The following ING5 variants were observed in gnomAD, a reference collection of about 807,000 sequenced individuals.
The protein encoded by ING5 is inhibitor of growth family member 5.
A neutral mutation model predicts 37.4 loss-of-function variants in ING5; 17 were observed. That is an observed-to-expected ratio of 0.45 (90% CI 0.31 to 0.68). ING5 has a LOEUF of 0.68. Ranked by LOEUF, ING5 falls within the 30% of genes least tolerant of loss-of-function variation. The pLI, the probability that ING5 is intolerant of heterozygous loss-of-function variation, is 0.05. For synonymous variants in ING5, 123 were observed against 116.6 expected (o/e 1.06, Z -0.36); for missense variants, 233 against 311.9 (o/e 0.75, Z 1.91).
intron 2 of ING5, chr2:241,694,439 T>G (rs1449215236): frequency 1.3e-5 from 2 of 149,006 alleles, no homozygotes; most frequent in Non-Finnish European, 3.0e-5. Context: ...CGAGACTCCA[T>G]CTCAAAAAAA....
chr2:241,718,615 G>A (rs750540948), intron 5 of ING5, among the ~76,000 whole-genome samples: 21 of 151,294 alleles, frequency 1.4e-4, no homozygotes, highest in Non-Finnish European at 2.7e-4. Context: ...GGGTTTCACC[G>A]TGTTATGCAG....
chr2:241,717,599 C>T (rs1240599823), intron 5 of ING5, among the ~76,000 whole-genome samples: 1 of 151,750 alleles, frequency 6.6e-6, no homozygotes, highest in Non-Finnish European at 1.5e-5. Flanking sequence ...TTTAGGTTGA[C>T]CTTTTTTCTT....
chr2:241,721,907 G>A (rs1471089024), intron 5 of ING5: 3 of 985,572 alleles, frequency 3.0e-6, no homozygotes, highest in Admixed American at 6.1e-5. Context: ...AGGCATAGAC[G>A]GGGTGGAACA....
intron 5 of ING5, among the ~76,000 whole-genome samples, chr2:241,717,410 AT>A (rs964002124): frequency 2.0e-5 from 3 of 151,848 alleles, no homozygotes; most frequent in Admixed American, 6.6e-5. Context: ...TTCTTTAAAA[AT>A]TTTTTTTCCA....
At chr2:241,704,103 G>A (rs1411133888) in intron 1 of ING5, among the ~76,000 whole-genome samples, 1 of 152,166 alleles carries the variant, frequency 6.6e-6, no homozygotes, top group Non-Finnish European at 1.5e-5. Context: ...TGCCTGTGCT[G>A]TTGGTTTCCA....
chr2:241,695,578 C>G (rs1272881873), intron 2 of ING5, among the ~76,000 whole-genome samples: 1 of 151,934 alleles, frequency 6.6e-6, no homozygotes, highest in Non-Finnish European at 1.5e-5. Flanking sequence ...CCCACCTACT[C>G]AGGAGGCTGA....
intron 5 of ING5, among the ~76,000 whole-genome samples, chr2:241,713,193 A>G (rs2070168944): frequency 6.6e-6 from 1 of 151,146 alleles, no homozygotes; most frequent in Admixed American, 6.6e-5. Flanking sequence ...GATAGCTGCA[A>G]CTACAAGTGC....
chr2:241,705,639 C>T (rs1039345790), intron 2 of ING5, among the ~76,000 whole-genome samples: 1 of 152,078 alleles, frequency 6.6e-6, no homozygotes, highest in Non-Finnish European at 1.5e-5. Flanking sequence ...ATCTACTGAC[C>T]TCATGATCCG....
chr2:241,693,202 C>G (rs2069581168), intron 2 of ING5, among the ~76,000 whole-genome samples: 1 of 143,426 alleles, frequency 7.0e-6, no homozygotes, highest in Non-Finnish European at 1.5e-5. Flanking sequence ...GAGGTTGCAG[C>G]TGAGATCGCC....
rs146989648 is a variant in ING5 at position 241,728,348 on chromosome 2, G to A, written c.*3317G>A. The A allele has an allele frequency of 4.3e-3, 652 of 152,906 alleles. 1 individual carries two copies. Among genetic ancestry groups the A allele is most frequent in the African/African-American group, 0.011 (470 of 41,584 alleles). The allele number at this position is 152,906 out of a possible 1,614,324, so 9.5% of individuals were successfully genotyped here. A position where few individuals can be genotyped will look rare whatever the true frequency, so the allele number is the denominator to read the frequency against. On this transcript the variant is annotated 3_prime_UTR_variant, in exon 8 of 8. Coordinates refer to ENST00000313552, the MANE Select transcript of ING5 (RefSeq NM_032329.6). ...ACCAGACCCCCCTCCACAGCTGCCC[G>A]GCCCCAGACCCATCTCTTGGATTGA...
At chr2:241,694,462 A>G (rs1312721188) in intron 2 of ING5, among the ~76,000 whole-genome samples, 2 of 152,100 alleles carry the variant, frequency 1.3e-5, no homozygotes, top group Non-Finnish European at 2.9e-5. Context: ...AGAATCAGTA[A>G]AAGATATAAA....
intron 5 of ING5, chr2:241,720,423 T>C: frequency 9.1e-7 from 1 of 1,099,482 alleles, no homozygotes; most frequent in African/African-American, 1.6e-5. Flanking sequence ...CCCGGGGCTC[T>C]TCCTGGAATG....
chr2:241,724,921 G>C, intron 7 of ING5, 68 bp from the exon 8 acceptor site: 1 of 1,496,420 alleles, frequency 6.7e-7, no homozygotes, highest in South Asian at 1.2e-5. Flanking sequence ...ATGGGGAGGC[G>C]GGCCCTGGGC....
chr2:241,723,357 A>AAGATTCTGCCATG, intron 7 of ING5, 86 bp downstream of exon 7: 1 of 1,414,370 alleles, frequency 7.1e-7, no homozygotes, highest in Non-Finnish European at 1.0e-6. Flanking sequence ...GCTCCATGGC[A>AAGATTCTGCCATG]GAATCTTGCC....
intron 5 of ING5, among the ~76,000 whole-genome samples, chr2:241,715,919 A>G (rs2070255505): frequency 6.6e-6 from 1 of 151,928 alleles, no homozygotes; most frequent in South Asian, 2.1e-4. Flanking sequence ...TGTTGTGGTC[A>G]AAGAACATTA....
chr2:241,719,114 C>T (rs1028946477), intron 5 of ING5, among the ~76,000 whole-genome samples: 4 of 152,244 alleles, frequency 2.6e-5, no homozygotes, highest in Non-Finnish European at 5.9e-5. Context: ...CCTCTCTCGC[C>T]TCCTGCCCCA....
chr2:241,712,044 C>T lies in ING5; in HGVS notation c.455C>T (p.Thr152Ile), dbSNP rs150199953. The change falls in exon 5 of 8, where the codon ACA (threonine) becomes ATA (isoleucine). Residue 152 changes from threonine to isoleucine, a missense_variant. Transcript: ENST00000313552. ...GRGRRTSEED[T>I]PKKKKHKGGS... ...GGCAGGAGGACATCAGAGGAAGACA[C>T]ACCAAAGAAAAAGAAGCACAAAGGA... 1.7e-4 allele frequency: 266 copies of T among 1,612,020 alleles called. No individual in the cohort carries two copies. The highest frequency in any genetic ancestry group is 3.3e-4 in the Middle Eastern group (2 of 6,078).
At chr2:241,716,520 C>T (rs2070275910) in intron 5 of ING5, among the ~76,000 whole-genome samples, 4 of 150,400 alleles carry the variant, frequency 2.7e-5, no homozygotes, top group South Asian at 4.2e-4. Context: ...GTCTCGAACC[C>T]CTGACCCCAA....
chr2:241,712,322 T>C (rs1012133834), intron 5 of ING5: 6 of 409,616 alleles, frequency 1.5e-5, no homozygotes, highest in Non-Finnish European at 1.8e-5. Flanking sequence ...GCGGCTGGGC[T>C]GCACCTGGAG....
Sources: allele counts gnomAD v4.1 joint callset (sites outside exome capture counted in the v4.1 genomes callset), GRCh38; gene constraint gnomAD v4.1.1; transcripts MANE v1.5; gene names NCBI Gene and HGNC (gene_info 2026-07-23, HGNC 2026-07-21).